Variants in RECQL5 observed in about 807,000 individuals in gnomAD.
RECQL5 encodes ATP-dependent DNA helicase Q5.
A neutral mutation model predicts 103.4 loss-of-function variants in RECQL5; 88 were observed. The ratio of observed to expected loss-of-function variants is 0.85; its 90% CI spans 0.72 to 1.02. The LOEUF is 1.02. Among genes scored for constraint, RECQL5 ranks in the 50% least tolerant of loss-of-function variants. RECQL5 has a pLI of 0.00. For synonymous variants in RECQL5, 552 were observed against 507.9 expected, an observed-to-expected ratio of 1.09 and a Z score of -1.17; for missense variants, 1,232 against 1,284.3, an observed-to-expected ratio of 0.96 and a Z score of 0.62.
chr17:75,634,159 G>A (rs766490928), intron 8 of RECQL5: 44 of 985,392 alleles, frequency 4.5e-5, no homozygotes, highest in Non-Finnish European at 4.6e-5. Context: ...TGGAGGCTCC[G>A]CGCTGGGGCA....
intron 7 of RECQL5, among the ~76,000 whole-genome samples, chr17:75,654,442 C>CT (rs1486324375): frequency 6.6e-6 from 1 of 152,198 alleles, no homozygotes; most frequent in Non-Finnish European, 1.5e-5. Context: ...CCAAGACTTA[C>CT]TCCTGGGTAA....
intron 6 of RECQL5, 105 bp downstream of exon 6, chr17:75,660,850 T>C: frequency 1.2e-6 from 1 of 834,398 alleles, no homozygotes; most frequent in Non-Finnish European, 2.1e-6. Flanking sequence ...CCTTCCCCTC[T>C]AGCCCTCGAA....
At chr17:75,658,686 CAT>C (rs982795295) in intron 6 of RECQL5, among the ~76,000 whole-genome samples, 1 of 152,118 alleles carries the variant, frequency 6.6e-6, no homozygotes, top group African/African-American at 2.4e-5. Flanking sequence ...AAATCCAGCA[CAT>C]ATGAGGGGCC....
At chr17:75,657,312 G>C (rs1267516510) in intron 7 of RECQL5, among the ~76,000 whole-genome samples, 1 of 152,180 alleles carries the variant, frequency 6.6e-6, no homozygotes, top group Non-Finnish European at 1.5e-5. Context: ...TCGAGCCCAG[G>C]AGTTCGAGGG....
At chr17:75,664,743 T>G (rs2059744536) in intron 3 of RECQL5, among the ~76,000 whole-genome samples, 1 of 151,490 alleles carries the variant, frequency 6.6e-6, no homozygotes, top group Admixed American at 6.6e-5. Flanking sequence ...TGAAACCTCA[T>G]CTCTACTAAA....
intron 7 of RECQL5, among the ~76,000 whole-genome samples, chr17:75,655,212 C>T (rs1296986788): frequency 2.6e-5 from 4 of 152,194 alleles, no homozygotes; most frequent in East Asian, 1.9e-4. Context: ...ACTGGGATTA[C>T]AGGAGCCCGC....
intron 14 of RECQL5, among the ~76,000 whole-genome samples, 166 bp downstream of exon 14, chr17:75,630,018 G>T (rs2059177000): frequency 6.6e-6 from 1 of 152,122 alleles, no homozygotes; most frequent in African/African-American, 2.4e-5. Flanking sequence ...CTAGAAACAT[G>T]TCCAGCCAGT....
intron 6 of RECQL5, among the ~76,000 whole-genome samples, chr17:75,659,139 G>A (rs971179602): frequency 6.6e-6 from 1 of 152,172 alleles, no homozygotes; most frequent in South Asian, 2.1e-4. Context: ...TCAGCTCACT[G>A]CAACCTCCAC....
At position 75,628,292 on chromosome 17, in the gene RECQL5, A is replaced by G. The variant is rs747556743; in HGVS notation, c.2731T>C (p.Ser911Pro). 2 of 1,614,166 alleles carry G rather than the reference A, an allele frequency of 1.2e-6. No individual in the cohort carries two copies. The highest frequency in any genetic ancestry group is 1.1e-5 in the South Asian group (1 of 91,080). The change falls in exon 18 of 20, where the codon TCC becomes CCC. Residue 911 changes from serine to proline, a missense_variant. By Grantham distance (74) the Ser-to-Pro change is moderately conservative. Coordinates refer to ENST00000317905, the MANE Select transcript of RECQL5 (RefSeq NM_004259.7). ...ACAACATTTGCAGCCTCCTTCAAGG[A>G]GACGCCAGGAGCGGAGAGCTGGAAG... ...DPFQLSAPGV[S>P]LKEAANVVVK... is the part of the protein sequence containing the mutation.
At chr17:75,630,073 G>A (rs1297161952) in intron 14 of RECQL5, 111 bp downstream of exon 14, 1 of 1,003,204 alleles carries the variant, frequency 1.0e-6, no homozygotes, top group African/African-American at 1.6e-5. Context: ...GGGGTGGGCT[G>A]GGGAGGGTGA....
intron 13 of RECQL5, 75 bp downstream of exon 13, chr17:75,630,544 G>C: frequency 6.6e-7 from 1 of 1,506,616 alleles, no homozygotes; most frequent in East Asian, 2.3e-5. Context: ...AACAGGCCAG[G>C]GTTGACAGGG....
chr17:75,637,986 G>A (rs932579880), intron 8 of RECQL5: 7 of 152,204 alleles, frequency 4.6e-5, no homozygotes, highest in East Asian at 3.9e-4. Flanking sequence ...AGGCGGGAGC[G>A]GATGATCTAT....
intron 8 of RECQL5, chr17:75,650,482 G>C: frequency 7.2e-7 from 1 of 1,384,842 alleles, no homozygotes; most frequent in Non-Finnish European, 9.4e-7. Context: ...CATGAGCTTC[G>C]TGACTGTGAC....
chr17:75,660,070 TTTTG>T lies in RECQL5; in HGVS notation c.986+881_986+884del, dbSNP rs149256248. On this transcript the variant is annotated intron_variant, in intron 6 of 19. Transcript: ENST00000317905. ...CATATTGTGTTTTGGTTTTTGGTGT[TTTTG>T]TTTGTTTTTTAAGACAGGGTCCTGG... Among the ~76,000 whole-genome samples, 1,252 of 152,142 alleles carry T rather than the reference TTTTG, an allele frequency of 8.2e-3. 18 individuals carry two copies. The highest frequency in any genetic ancestry group is 0.028 in the African/African-American group (1,158 of 41,504).
At chr17:75,633,811 C>T (rs547839732) in intron 8 of RECQL5, 52 of 1,005,642 alleles carry the variant, frequency 5.2e-5, no homozygotes, top group Non-Finnish European at 5.7e-5. Context: ...GGCAGAGAGC[C>T]GACTTCTTTC....
At position 75,649,763 on chromosome 17, in the gene RECQL5, T is replaced by A. The variant is rs1158553732; in HGVS notation, c.1229+1423A>T. The A allele has an allele frequency of 2.2e-5, 22 of 985,350 alleles. No homozygotes were observed. The South Asian group carries it at 9.9e-4, about 44-fold the overall frequency. The allele number at this position is 985,350 out of a possible 1,614,324, so 61.0% of individuals were successfully genotyped here. On this transcript the variant is annotated intron_variant, in intron 8 of 19. Coordinates refer to ENST00000317905, the MANE Select transcript of RECQL5 (RefSeq NM_004259.7). ...GCCTGCTGCCTGGATTTCAGAATCA[T>A]CACATGTAGCAAAGGAGACAGGCAC...
rs898727298 is a variant in RECQL5, at chr17:75,654,442, C to T, written c.1150-3177G>A. Among the ~76,000 whole-genome samples, 6 of 152,198 alleles carry T rather than the reference C, an allele frequency of 3.9e-5. No individual in the cohort carries two copies. The South Asian group carries it at 1.2e-3, about 32-fold the overall frequency. On this transcript the variant is annotated intron_variant, in intron 7 of 19. Transcript: ENST00000317905. Reference sequence around the variant, plus strand: ...CAATATTGTCCTGTGCCAAGACTTACTCCTGGGTAAGTTTCCATCTTTGCT... The same window carrying T: ...CAATATTGTCCTGTGCCAAGACTTATTCCTGGGTAAGTTTCCATCTTTGCT...
At chr17:75,653,931 CA>C (rs2059586159) in intron 7 of RECQL5, among the ~76,000 whole-genome samples, 1 of 151,558 alleles carries the variant, frequency 6.6e-6, no homozygotes. Context: ...AAAAAAACCC[CA>C]AAAAAACAAA....
At chr17:75,643,860 C>T (rs1568272448) in intron 8 of RECQL5, among the ~76,000 whole-genome samples, 1 of 152,204 alleles carries the variant, frequency 6.6e-6, no homozygotes, top group East Asian at 1.9e-4. Flanking sequence ...CTAAGTGGTC[C>T]CCACAATCAT....
Sources: gnomAD v4.1 joint callset for allele counts (sites outside exome capture counted in the v4.1 genomes callset) on GRCh38, gnomAD v4.1.1 for gene constraint, MANE v1.5 for transcripts, NCBI Gene and HGNC (gene_info 2026-07-23, HGNC 2026-07-21) for gene names.